The following TMF1 variants were observed in gnomAD, a reference collection of about 807,000 sequenced individuals.
The protein encoded by TMF1 is TATA element modulatory factor 1, also known as TATA element modulatory factor.
Under a neutral mutation model 126.5 loss-of-function variants are expected in TMF1, and 71 were observed. The observed-to-expected ratio is 0.56, with a 90% CI of 0.46 to 0.68. TMF1 has a LOEUF of 0.68. Ranked by LOEUF, TMF1 falls within the 30% of genes least tolerant of loss-of-function variation. The pLI, the probability that TMF1 is intolerant of heterozygous loss-of-function variation, is 0.00. For synonymous variants in TMF1, 461 were observed against 430.5 expected (o/e 1.07, Z -0.88); for missense variants, 1,259 against 1,253.2 (o/e 1.00, Z -0.07).
At chr3:69,029,456 T>A (rs1184746832) in intron 11 of TMF1, among the ~76,000 whole-genome samples, 2 of 152,032 alleles carry the variant, frequency 1.3e-5, no homozygotes, top group South Asian at 2.1e-4. Flanking sequence ...TTTATTTTTT[T>A]TTTTTTGAGA....
At chr3:69,025,413 T>C in intron 15 of TMF1, 147 bp downstream of exon 15, 1 of 653,608 alleles carries the variant, frequency 1.5e-6, no homozygotes, top group Non-Finnish European at 2.5e-6. Context: ...CCTTTATCAT[T>C]GATATATGTG....
chr3:69,045,222 C>A (rs2091889174), intron 2 of TMF1, among the ~76,000 whole-genome samples: 1 of 152,068 alleles, frequency 6.6e-6, no homozygotes, highest in South Asian at 2.1e-4. Flanking sequence ...CTTTGGGAGG[C>A]TGAGGTGGGG....
Position 69,043,705 on chromosome 3 carries a change from A to G in TMF1, c.1578+45T>C, listed in dbSNP as rs374637515. The G allele has an allele frequency of 6.8e-5, 102 of 1,503,234 alleles. No individual in the cohort carries two copies. The East Asian group carries it at 1.3e-3, about 19-fold the overall frequency. The allele number at this position is 1,503,234 out of a possible 1,614,324, so 93.1% of individuals were successfully genotyped here. ...CGATGAATGCACTCCTCAAAAATCT[A>G]TATCTCTATAGAGTTTAATTAATAT... On this transcript the variant is annotated intron_variant, in intron 4 of 16. Coordinates refer to ENST00000398559, the MANE Select transcript of TMF1 (RefSeq NM_007114.3).
chr3:69,043,450 G>A (rs377563526), intron 4 of TMF1, among the ~76,000 whole-genome samples: 29 of 152,008 alleles, frequency 1.9e-4, no homozygotes, highest in African/African-American at 6.0e-4. Context: ...GACCACAGGC[G>A]CACACCAGCA....
Position 69,052,163 on chromosome 3 carries a change from C to A in TMF1, c.-77G>T. 6.9e-7 allele frequency: 1 copy of A among 1,442,544 alleles called. No individual in the cohort carries two copies. The allele number at this position is 1,442,544 out of a possible 1,614,324, so 89.4% of individuals were successfully genotyped here. ...AGGCCTGGGGAAGGGTGCAGAGGAA[C>A]GGCTTCGCTCCCCTTTTCCACTCGG... On this transcript the variant is annotated 5_prime_UTR_variant, in exon 1 of 17. Transcript: ENST00000398559.
chr3:69,028,261 A>G lies in TMF1; in HGVS notation c.2629T>C (p.Tyr877His), dbSNP rs35856064. The change falls in exon 12 of 17, where the codon TAT becomes CAT. Residue 877 changes from tyrosine (Y) to histidine (H), a missense_variant. Transcript: ENST00000398559. The stretch of plus-strand genomic sequence containing the variant: ...CTCGTCTCTTCAAGTGTTCTTACAT[A>G]TTCATCTTTTAGGTTTTCCAATTCA... Reference protein sequence around the residue: ...QVELENLKDEYVRTLEETRKE... With the variant: ...QVELENLKDEHVRTLEETRKE... 2.8e-4 allele frequency: 449 copies of G among 1,613,330 alleles called. 1 individual carries two copies. In the African/African-American group the frequency reaches 5.7e-3, roughly 21 times the overall value.
rs777608536 is a variant in TMF1 at position 69,026,113 on chromosome 3, A to T, written c.2758-16T>A. 1 of 1,573,770 alleles carries T rather than the reference A, an allele frequency of 6.4e-7. No individual in the cohort carries two copies. Among genetic ancestry groups the T allele is most frequent in the South Asian group, 1.1e-5 (1 of 89,694 alleles). On this transcript the variant is annotated splice_polypyrimidine_tract_variant and intron_variant, in intron 13 of 16. Coordinates refer to ENST00000398559, the MANE Select transcript of TMF1 (RefSeq NM_007114.3). ...GCTTGCGTTCCTTAGGGAGTAAAAA[A>T]AATTCTGTTCATATTAAAGAGCAAA...
chr3:69,039,501 T>C, intron 6 of TMF1, 50 bp downstream of exon 6: 2 of 1,574,452 alleles, frequency 1.3e-6, no homozygotes, highest in Non-Finnish European at 1.7e-6. Flanking sequence ...CAACTGTTCA[T>C]ACAGGAAGTA....
intron 1 of TMF1, among the ~76,000 whole-genome samples, chr3:69,051,137 A>G (rs2091925736): frequency 6.6e-6 from 1 of 152,164 alleles, no homozygotes; most frequent in African/African-American, 2.4e-5. Flanking sequence ...CTTATGTAAA[A>G]CACGGATATA....
intron 10 of TMF1, among the ~76,000 whole-genome samples, chr3:69,031,420 A>ACT (rs2091801986): frequency 6.6e-6 from 1 of 151,206 alleles, no homozygotes; most frequent in South Asian, 2.1e-4. Context: ...AACTTAATAC[A>ACT]CACACACACA....
intron 15 of TMF1, chr3:69,024,807 T>C (rs995464289): frequency 2.7e-5 from 4 of 147,616 alleles, no homozygotes; most frequent in East Asian, 1.9e-4. Flanking sequence ...AATTTCTTTT[T>C]TTTTTTTTTT....
At chr3:69,028,187 T>C (rs932265752) in intron 12 of TMF1, 39 bp downstream of exon 12, 47 of 1,531,448 alleles carry the variant, frequency 3.1e-5, no homozygotes, top group Non-Finnish European at 4.0e-5. Context: ...CATTCTCTAA[T>C]GTATGCCCTA....
chr3:69,023,227 T>G lies in TMF1; in HGVS notation c.3232A>C (p.Asn1078His), dbSNP rs368894111. ...ELRLDLEDVK[N>H]MYKTQIDELL... ...TCATCTATTTGAGTTTTGTACATATTTTTTACATCTTCGAGATCTAATCGA... is the reference window on the plus strand; with the variant it reads ...TCATCTATTTGAGTTTTGTACATATGTTTTACATCTTCGAGATCTAATCGA... The change falls in exon 17 of 17, where the codon AAT becomes CAT. Residue 1078 changes from asparagine to histidine, a missense_variant. Coordinates refer to ENST00000398559, the MANE Select transcript of TMF1 (RefSeq NM_007114.3). 40 of 1,611,564 alleles carry G rather than the reference T, an allele frequency of 2.5e-5. No individual in the cohort carries two copies. The African/African-American group carries it at 4.8e-4, about 19-fold the overall frequency.
rs1196655645 is a variant in TMF1, at chr3:69,022,360, A to T, written c.*817T>A. The stretch of plus-strand genomic sequence containing the variant: ...TTAAGAACTTTATTATTTTCGATTC[A>T]TTTTATAGGGTAGTAAAATAATACT... On this transcript the variant is annotated 3_prime_UTR_variant, in exon 17 of 17. Transcript: ENST00000398559. The T allele has an allele frequency of 6.6e-6, 1 of 152,316 alleles. No individual in the cohort carries two copies. Among genetic ancestry groups the T allele is most frequent in the East Asian group, 1.9e-4 (1 of 5,204 alleles). 9.4% of individuals were successfully genotyped at this position (152,316 alleles called of 1,614,324 possible).
intron 10 of TMF1, 111 bp from the exon 11 acceptor site, chr3:69,030,118 T>C (rs1466633533): frequency 2.3e-6 from 2 of 880,240 alleles, no homozygotes; most frequent in Non-Finnish European, 3.4e-6. Context: ...CACTTAAAAC[T>C]GATAACTATT....
intron 8 of TMF1, among the ~76,000 whole-genome samples, chr3:69,037,793 ACT>A (rs1432945788): frequency 2.0e-5 from 3 of 151,930 alleles, no homozygotes; most frequent in Admixed American, 1.3e-4. Flanking sequence ...CAAGAGTGAG[ACT>A]CTGTCTCAAA....
chr3:69,033,273 CAAAAA>C (rs34778745), intron 10 of TMF1, among the ~76,000 whole-genome samples: 1 of 85,644 alleles, frequency 1.2e-5, no homozygotes, highest in Non-Finnish European at 2.4e-5. Flanking sequence ...GACTCCATCT[CAAAAA>C]AAAAAAAAAA....
In TMF1 at chr3:69,052,306, CT is replaced by C. The variant is rs779066237; in HGVS notation, c.-221del. The C allele has an allele frequency of 4.8e-6, 2 of 419,040 alleles. No individual in the cohort carries two copies. The highest frequency in any genetic ancestry group is 8.6e-6 in the Non-Finnish European group (2 of 232,858). 26.0% of individuals were successfully genotyped at this position (419,040 alleles called of 1,614,324 possible). ...GGCCCATGTGCGCATGCGCTTGCTT[CT>C]TCCACGTACACAGCAACCAAATCTA... On this transcript the variant is annotated 5_prime_UTR_variant, in exon 1 of 17. Coordinates refer to ENST00000398559, the MANE Select transcript of TMF1 (RefSeq NM_007114.3).
Position 69,023,138 on chromosome 3 carries a change from T to C in TMF1, c.*39A>G. Reference sequence around the variant, plus strand: ...CCACATTAAATGTTTAGATATTAAATGCTTACATTCAGTTTGATGGGAATT... The same window carrying C: ...CCACATTAAATGTTTAGATATTAAACGCTTACATTCAGTTTGATGGGAATT... On this transcript the variant is annotated 3_prime_UTR_variant, in exon 17 of 17. Coordinates refer to ENST00000398559, the MANE Select transcript of TMF1 (RefSeq NM_007114.3). The C allele has an allele frequency of 6.4e-7, 1 of 1,556,930 alleles. No homozygotes were observed. The highest frequency in any genetic ancestry group is 1.8e-5 in the Admixed American group (1 of 55,086).
Sources: gnomAD v4.1 joint callset for allele counts (sites outside exome capture counted in the v4.1 genomes callset) on GRCh38, gnomAD v4.1.1 for gene constraint, MANE v1.5 for transcripts, NCBI Gene and HGNC (gene_info 2026-07-23, HGNC 2026-07-21) for gene names.